Variants in LDB2 observed in about 807,000 individuals in gnomAD.
The protein encoded by LDB2 is LIM domain binding 2, also known as LIM domain-binding protein 2.
LDB2 carries 12 observed loss-of-function variants against 44.3 expected under a neutral mutation model. The ratio of observed to expected loss-of-function variants is 0.27; its 90% confidence interval spans 0.17 to 0.44. LDB2 has a LOEUF of 0.44. Ranked by LOEUF, LDB2 falls within the 20% of genes least tolerant of loss-of-function variation. The pLI is 1.00. For synonymous variants in LDB2, 164 were observed against 174.8 expected (o/e 0.94, Z 0.49); for missense variants, 344 against 473.5 (o/e 0.73, Z 2.54).
At chr4:16,824,995 T>G (rs551598264) in intron 1 of LDB2, among the ~76,000 whole-genome samples, 22 of 152,296 alleles carry the variant, frequency 1.4e-4, no homozygotes, top group Admixed American at 1.2e-3. Flanking sequence ...AGATGCAGAG[T>G]AAATACATGT....
intron 2 of LDB2, among the ~76,000 whole-genome samples, chr4:16,616,136 C>G (rs139201615): frequency 0.014 from 2,205 of 152,230 alleles, 32 homozygotes; most frequent in South Asian, 0.046. Context: ...CAACCATTCC[C>G]CCACAAGAAT....
chr4:16,816,407 CTTTTT>C (rs1171864969), intron 1 of LDB2, among the ~76,000 whole-genome samples: 1 of 121,020 alleles, frequency 8.3e-6, no homozygotes, highest in Admixed American at 8.7e-5. Flanking sequence ...CTTTTTCTTT[CTTTTT>C]TTTTTTTTTT....
intron 2 of LDB2, among the ~76,000 whole-genome samples, chr4:16,681,023 T>A (rs1444411956): frequency 6.6e-6 from 1 of 152,162 alleles, no homozygotes; most frequent in African/African-American, 2.4e-5. Flanking sequence ...TTATTCAATA[T>A]AATACAAATC....
intron 2 of LDB2, among the ~76,000 whole-genome samples, chr4:16,643,795 C>T (rs1735887508): frequency 6.6e-6 from 1 of 151,948 alleles, no homozygotes; most frequent in Non-Finnish European, 1.5e-5. Context: ...TTAAATGCAT[C>T]TCACAAATAA....
At chr4:16,849,337 T>C (rs1365227122) in intron 1 of LDB2, among the ~76,000 whole-genome samples, 1 of 152,218 alleles carries the variant, frequency 6.6e-6, no homozygotes, top group South Asian at 2.1e-4. Flanking sequence ...CTTCTTGCTA[T>C]CATATTTCTT....
intron 5 of LDB2, among the ~76,000 whole-genome samples, chr4:16,570,526 A>G (rs2152398460): frequency 1.4e-5 from 2 of 143,386 alleles, no homozygotes; most frequent in South Asian, 4.8e-4. Flanking sequence ...AGTGATAGCC[A>G]CGGGAGGCAG....
chr4:16,828,469 T>C (rs1188159679), intron 1 of LDB2, among the ~76,000 whole-genome samples: 1 of 152,196 alleles, frequency 6.6e-6, no homozygotes, highest in Non-Finnish European at 1.5e-5. Flanking sequence ...GCCCATAATC[T>C]GTAACCCCTC....
intron 2 of LDB2, among the ~76,000 whole-genome samples, chr4:16,751,594 T>C (rs533604445): frequency 2.0e-5 from 3 of 152,352 alleles, no homozygotes; most frequent in South Asian, 4.1e-4. Flanking sequence ...TCCTAGATTT[T>C]CCATTAATGT....
chr4:16,779,083 A>G (rs1022335143), intron 1 of LDB2, among the ~76,000 whole-genome samples: 1 of 152,180 alleles, frequency 6.6e-6, no homozygotes, highest in African/African-American at 2.4e-5. Context: ...TCTAGGAAAC[A>G]TGGGGGAATG....
At chr4:16,565,626 T>C (rs1744216797) in intron 5 of LDB2, among the ~76,000 whole-genome samples, 1 of 151,984 alleles carries the variant, frequency 6.6e-6, no homozygotes, top group South Asian at 2.1e-4. Context: ...TTTTTTCTGA[T>C]GGTACTAGCC....
intron 2 of LDB2, among the ~76,000 whole-genome samples, chr4:16,643,295 G>T (rs1022277791): frequency 2.6e-5 from 4 of 152,012 alleles, no homozygotes; most frequent in Non-Finnish European, 5.9e-5. Context: ...GCCACACTCC[G>T]TTACTAGCTG....
At chr4:16,776,340 C>T (rs75487890) in intron 1 of LDB2, among the ~76,000 whole-genome samples, 1 of 152,198 alleles carries the variant, frequency 6.6e-6, no homozygotes, top group South Asian at 2.1e-4. Flanking sequence ...TGCCCACTTT[C>T]CCCACTCTTG....
intron 3 of LDB2, among the ~76,000 whole-genome samples, chr4:16,593,766 A>G (rs113453905): frequency 0.012 from 1,898 of 152,306 alleles, 42 homozygotes; most frequent in African/African-American, 0.042. Flanking sequence ...ATACCTGAAC[A>G]AATCACTCAA....
intron 1 of LDB2, among the ~76,000 whole-genome samples, chr4:16,856,648 ACT>A (rs1321847455): frequency 6.6e-6 from 1 of 152,136 alleles, no homozygotes; most frequent in Non-Finnish European, 1.5e-5. Context: ...ATGTTCTGTA[ACT>A]CTGTAATTCT....
At chr4:16,505,478 G>C (rs1312920240) in intron 7 of LDB2, among the ~76,000 whole-genome samples, 1 of 151,946 alleles carries the variant, frequency 6.6e-6, no homozygotes, top group Non-Finnish European at 1.5e-5. Context: ...TGTTTCTATT[G>C]GTTCTTCTAA....
chr4:16,593,935 C>A (rs151084929), intron 3 of LDB2, among the ~76,000 whole-genome samples: 17 of 152,276 alleles, frequency 1.1e-4, no homozygotes, highest in African/African-American at 4.1e-4. Flanking sequence ...ACTTTCAGAG[C>A]AGCTATGTTC....
At chr4:16,749,589 AAT>A (rs1197492654) in intron 2 of LDB2, among the ~76,000 whole-genome samples, 7 of 143,374 alleles carry the variant, frequency 4.9e-5, no homozygotes, top group African/African-American at 7.7e-5. Context: ...AATAAAAAAA[AAT>A]ATATATATAT....
intron 2 of LDB2, among the ~76,000 whole-genome samples, chr4:16,604,552 A>T (rs1033601353): frequency 6.7e-6 from 1 of 150,286 alleles, no homozygotes; most frequent in Non-Finnish European, 1.5e-5. Context: ...TGTATAACAG[A>T]ACTTTCAGAA....
At chr4:16,886,926 G>A (rs1372311479) in intron 1 of LDB2, among the ~76,000 whole-genome samples, 5 of 150,612 alleles carry the variant, frequency 3.3e-5, no homozygotes, top group South Asian at 2.1e-4. Context: ...CCAGCTACTC[G>A]TGAGGCTGAG....
Sources: gnomAD v4.1 joint callset for allele counts (sites outside exome capture counted in the v4.1 genomes callset) on GRCh38, gnomAD v4.1.1 for gene constraint, MANE v1.5 for transcripts, NCBI Gene and HGNC (gene_info 2026-07-23, HGNC 2026-07-21) for gene names.